The following ELOVL6 variants were observed in gnomAD, a reference collection of about 807,000 sequenced individuals.
The protein encoded by ELOVL6 is very long chain fatty acid elongase 6.
A neutral mutation model predicts 31.7 loss-of-function variants in ELOVL6; 8 were observed. That is an observed-to-expected ratio of 0.25 (90% CI 0.15 to 0.45). ELOVL6 has a LOEUF of 0.45. ELOVL6 is among the 20% of genes least tolerant of loss of function. The pLI is 1.00. For synonymous variants in ELOVL6, 101 were observed against 117.7 expected, an observed-to-expected ratio of 0.86 and a Z score of 0.92; for missense variants, 126 against 326.4, an observed-to-expected ratio of 0.39 and a Z score of 4.73.
intron 2 of ELOVL6, among the ~76,000 whole-genome samples, chr4:110,087,659 G>A (rs1274261681): frequency 6.6e-6 from 1 of 152,112 alleles, no homozygotes; most frequent in Non-Finnish European, 1.5e-5. Flanking sequence ...TGTCATTAAT[G>A]TCACAGTAGA....
intron 1 of ELOVL6, chr4:110,117,868 T>C (rs1184468820): frequency 3.2e-5 from 1 of 31,586 alleles, no homozygotes; most frequent in Non-Finnish European, 5.7e-5. Flanking sequence ...GGCAACAGAG[T>C]GAGACTCTGT....
chr4:110,198,174 A>C lies in ELOVL6; in HGVS notation c.89+73T>G, dbSNP rs115784496. ...CGCTCCATTCACGCCCAGGCAGGGAATACCGACATTAAGGCACTCCGGGAA... is the reference window on the plus strand; with the variant it reads ...CGCTCCATTCACGCCCAGGCAGGGACTACCGACATTAAGGCACTCCGGGAA... On this transcript the variant is annotated intron_variant, in intron 1 of 3. Coordinates refer to ENST00000302274, the MANE Select transcript of ELOVL6 (RefSeq NM_024090.3). 3,420 of 873,578 alleles carry C rather than the reference A, an allele frequency of 3.9e-3. 62 individuals are homozygous for C. The African/African-American group carries it at 0.047, about 12-fold the overall frequency. The allele number at this position is 873,578 out of a possible 1,614,324, so 54.1% of individuals were successfully genotyped here. A position where few individuals can be genotyped will look rare whatever the true frequency, so the allele number is the denominator to read the frequency against.
At chr4:110,115,540 C>T (rs1026884) in intron 1 of ELOVL6, among the ~76,000 whole-genome samples, 116,070 of 152,002 alleles carry the variant, frequency 0.76, 44,774 homozygotes, top group East Asian at 0.93. Flanking sequence ...GGCCAGGAAT[C>T]CAAGGCCAGC....
At chr4:110,090,894 C>T (rs1031890878) in intron 2 of ELOVL6, among the ~76,000 whole-genome samples, 7 of 152,104 alleles carry the variant, frequency 4.6e-5, no homozygotes, top group African/African-American at 1.7e-4. Flanking sequence ...TGAGCCACCA[C>T]TCCTGGCCGA....
intron 2 of ELOVL6, among the ~76,000 whole-genome samples, chr4:110,063,128 G>A (rs942371474): frequency 9.9e-5 from 15 of 152,134 alleles, no homozygotes; most frequent in African/African-American, 3.1e-4. Flanking sequence ...GAGAGGTTAA[G>A]GTTAATTAAC....
At chr4:110,094,221 C>A (rs1004067379) in intron 2 of ELOVL6, among the ~76,000 whole-genome samples, 1 of 148,022 alleles carries the variant, frequency 6.8e-6, no homozygotes, top group Non-Finnish European at 1.5e-5. Context: ...TGCACTCCAG[C>A]CTGGGCAATA....
At chr4:110,159,890 G>T (rs1389527723) in intron 1 of ELOVL6, among the ~76,000 whole-genome samples, 4 of 151,868 alleles carry the variant, frequency 2.6e-5, no homozygotes, top group African/African-American at 9.7e-5. Context: ...GTATATTTAG[G>T]CATTTTTTCA....
intron 1 of ELOVL6, among the ~76,000 whole-genome samples, chr4:110,141,855 GTA>G (rs57733252): frequency 0.063 from 7,916 of 126,562 alleles, 473 homozygotes; most frequent in African/African-American, 0.13. Context: ...AATACAATTA[GTA>G]TATATATATA....
At chr4:110,126,183 A>G (rs1191223538) in intron 1 of ELOVL6, among the ~76,000 whole-genome samples, 2 of 152,112 alleles carry the variant, frequency 1.3e-5, no homozygotes, top group Non-Finnish European at 2.9e-5. Context: ...AGCTAGGACT[A>G]CAGGCATGTA....
At chr4:110,141,855 GTATATATA>G (rs57733252) in intron 1 of ELOVL6, among the ~76,000 whole-genome samples, 8 of 126,626 alleles carry the variant, frequency 6.3e-5, no homozygotes, top group Non-Finnish European at 1.3e-4. Flanking sequence ...AATACAATTA[GTATATATA>G]TATATATATA....
chr4:110,073,431 T>C (rs1755545616), intron 2 of ELOVL6, among the ~76,000 whole-genome samples: 1 of 152,216 alleles, frequency 6.6e-6, no homozygotes, highest in Non-Finnish European at 1.5e-5. Flanking sequence ...TGGAATAACC[T>C]TGGGCCCTTA....
chr4:110,158,182 C>A (rs779711809), intron 1 of ELOVL6, among the ~76,000 whole-genome samples: 3 of 152,122 alleles, frequency 2.0e-5, no homozygotes, highest in Non-Finnish European at 2.9e-5. Context: ...TACTATACAA[C>A]CCTATTCTGC....
chr4:110,085,212 ATTC>A (rs1756216312), intron 2 of ELOVL6, among the ~76,000 whole-genome samples: 1 of 152,156 alleles, frequency 6.6e-6, no homozygotes, highest in African/African-American at 2.4e-5. Context: ...CCACTGGAAT[ATTC>A]TTCTCCTAGG....
chr4:110,197,511 T>C (rs1244340853), intron 1 of ELOVL6, among the ~76,000 whole-genome samples: 1 of 152,140 alleles, frequency 6.6e-6, no homozygotes, highest in Admixed American at 6.6e-5. Flanking sequence ...ATTAGAAGTG[T>C]GTCCAAAAGG....
At chr4:110,177,723 A>G (rs114428031) in intron 1 of ELOVL6, among the ~76,000 whole-genome samples, 6,456 of 152,200 alleles carry the variant, frequency 0.042, 196 homozygotes, top group South Asian at 0.11. Flanking sequence ...TAAAACCACT[A>G]AACAACCACT....
chr4:110,059,487 G>GT, intron 3 of ELOVL6, 116 bp downstream of exon 3: 1 of 1,078,806 alleles, frequency 9.3e-7, no homozygotes, highest in Non-Finnish European at 1.3e-6. Flanking sequence ...TTCATTCATT[G>GT]TAACTTTCTT....
chr4:110,130,885 T>G lies in ELOVL6; in HGVS notation c.90-25257A>C, dbSNP rs1757647052. Among the ~76,000 whole-genome samples the G allele has an allele frequency of 2.6e-5, 4 of 152,304 alleles. No individual in the cohort carries two copies. The South Asian group carries it at 6.2e-4, about 24-fold the overall frequency. ...TGTGCATGGGTCTGTATTTAGGCAT[T>G]TAAATGCATACAAACATAGGTAAGT... is the stretch of plus-strand genomic sequence containing the variant. On this transcript the variant is annotated intron_variant, in intron 1 of 3. Transcript: ENST00000302274.
intron 1 of ELOVL6, among the ~76,000 whole-genome samples, chr4:110,144,725 A>G (rs1758059825): frequency 6.6e-6 from 1 of 152,198 alleles, no homozygotes; most frequent in Non-Finnish European, 1.5e-5. Flanking sequence ...CAATAAAAAT[A>G]CAATTTGTAA....
chr4:110,072,413 T>C (rs1174288863), intron 2 of ELOVL6, among the ~76,000 whole-genome samples: 1 of 152,154 alleles, frequency 6.6e-6, no homozygotes, highest in African/African-American at 2.4e-5. Flanking sequence ...GAGTCAGAGG[T>C]TGCAGTGAGC....
Sources: allele counts gnomAD v4.1 joint callset (sites outside exome capture counted in the v4.1 genomes callset), GRCh38; gene constraint gnomAD v4.1.1; transcripts MANE v1.5; gene names NCBI Gene and HGNC (gene_info 2026-07-23, HGNC 2026-07-21).